TENM4: variants seen among roughly 807,000 people sequenced by gnomAD.
TENM4 encodes the protein teneurin-4.
Under a neutral mutation model 243.3 loss-of-function variants are expected in TENM4, and 82 were observed. That is an observed-to-expected ratio of 0.34 (90% CI 0.28 to 0.40). TENM4 has a LOEUF of 0.40. Among genes scored for constraint, TENM4 ranks in the 10% least tolerant of loss-of-function variants. The pLI is 1.00. For missense variants in TENM4, 3,138 were observed against 3,673.3 expected, an observed-to-expected ratio of 0.85 and a Z score of 3.77; for synonymous variants, 1,412 against 1,456.3, an observed-to-expected ratio of 0.97 and a Z score of 0.69.
intron 1 of TENM4, among the ~76,000 whole-genome samples, chr11:79,427,306 C>A (rs1344084923): frequency 6.6e-6 from 1 of 152,058 alleles, no homozygotes; most frequent in Non-Finnish European, 1.5e-5. Context: ...AATAAACAGA[C>A]AACTACATGA....
At chr11:79,213,349 C>T (rs1030687531) in intron 3 of TENM4, among the ~76,000 whole-genome samples, 2 of 152,156 alleles carry the variant, frequency 1.3e-5, no homozygotes, top group Admixed American at 6.5e-5. Context: ...CAGGGGCCAA[C>T]AAAGTAGGTC....
At chr11:78,684,709 T>TG (rs1159953484) in intron 29 of TENM4, among the ~76,000 whole-genome samples, 15 of 152,290 alleles carry the variant, frequency 9.8e-5, no homozygotes, top group African/African-American at 3.6e-4. Flanking sequence ...CTACCTAACC[T>TG]CCGAGTGCTT....
At chr11:78,815,391 A>C (rs1857585876) in intron 12 of TENM4, among the ~76,000 whole-genome samples, 1 of 152,136 alleles carries the variant, frequency 6.6e-6, no homozygotes, top group South Asian at 2.1e-4. Context: ...GTCTCAAAAA[A>C]AAAAAAAGTT....
intron 6 of TENM4, among the ~76,000 whole-genome samples, chr11:78,909,486 C>A (rs1323147332): frequency 6.6e-6 from 1 of 152,208 alleles, no homozygotes; most frequent in Non-Finnish European, 1.5e-5. Context: ...CCTCCATAGA[C>A]CCTACTGTTA....
At chr11:78,732,706 T>C (rs1335132070) in intron 20 of TENM4, 129 bp from the exon 21 acceptor site, 8 of 1,095,688 alleles carry the variant, frequency 7.3e-6, no homozygotes, top group Non-Finnish European at 8.8e-6. Flanking sequence ...AGGGAGGCTC[T>C]AATGCCTAAA....
chr11:79,107,351 G>T (rs1205369520), intron 4 of TENM4, among the ~76,000 whole-genome samples: 2 of 152,110 alleles, frequency 1.3e-5, no homozygotes, highest in African/African-American at 4.8e-5. Context: ...TCCCCTCTGT[G>T]AGTTTCTTTG....
At chr11:79,371,705 A>G (rs77356187) in intron 1 of TENM4, among the ~76,000 whole-genome samples, 1 of 152,248 alleles carries the variant, frequency 6.6e-6, no homozygotes, top group Non-Finnish European at 1.5e-5. Context: ...GTTCCTTGAG[A>G]AAATTCACAA....
intron 15 of TENM4, among the ~76,000 whole-genome samples, chr11:78,801,126 G>T (rs1386042557): frequency 6.6e-6 from 1 of 152,124 alleles, no homozygotes; most frequent in Admixed American, 6.5e-5. Flanking sequence ...GGATAGAAAG[G>T]GGGCATGAGG....
intron 2 of TENM4, among the ~76,000 whole-genome samples, chr11:79,230,281 G>T (rs975857630): frequency 1.4e-4 from 22 of 152,170 alleles, no homozygotes; most frequent in Admixed American, 1.3e-3. Flanking sequence ...TCTCCATGTG[G>T]CTGGAAGAGA....
Position 78,669,772 on chromosome 11 carries a change from G to C in TENM4, c.6573C>G (p.Arg2191=), listed in dbSNP as rs774388841. The change falls in exon 32 of 34, where the codon CGC becomes CGG. Residue 2191 remains arginine, a synonymous_variant. Coordinates refer to ENST00000278550, the MANE Select transcript of TENM4 (RefSeq NM_001098816.3). This position sits in a 1 kb window ranked among gnomAD's most constrained non-coding sequence, Gnocchi z 6.4. ...LKVGPYANTT[R]YSYEYDADGQ... is the part of the protein sequence containing the mutation. ...CGTCAGCATCATACTCATAGGAGTA[G>C]CGAGTGGTATTGGCGTAGGGTCCTA... 1 of 1,614,006 alleles carries C rather than the reference G, an allele frequency of 6.2e-7. No individual in the cohort carries two copies. Among genetic ancestry groups the C allele is most frequent in the South Asian group, 1.1e-5 (1 of 91,080 alleles).
At chr11:79,107,381 C>G (rs546027605) in intron 4 of TENM4, among the ~76,000 whole-genome samples, 1 of 152,126 alleles carries the variant, frequency 6.6e-6, no homozygotes, top group East Asian at 1.9e-4. Context: ...TGGTACCTCC[C>G]CAAGTTTCCA....
At position 78,893,393 on chromosome 11, in the gene TENM4, T is replaced by C. The variant is rs572032070; in HGVS notation, c.750-2057A>G. On this transcript the variant is annotated intron_variant, in intron 7 of 33. Coordinates refer to ENST00000278550, the MANE Select transcript of TENM4 (RefSeq NM_001098816.3). ...CACAGAAGGGGATAATTGTTCATTT[T>C]ACAAAACCCAAAGTGTAATTTGGAT... 9.8e-5 allele frequency among the ~76,000 whole-genome samples: 15 copies of C among 152,338 alleles called. 1 individual carries two copies. Among genetic ancestry groups the C allele is most frequent in the Middle Eastern group, 3.4e-3 (1 of 294 alleles).
At chr11:79,328,993 C>T (rs1397643194) in intron 1 of TENM4, among the ~76,000 whole-genome samples, 1 of 152,166 alleles carries the variant, frequency 6.6e-6, no homozygotes, top group Admixed American at 6.5e-5. Context: ...ACAAAACTGT[C>T]CTTCTAGCTG....
intron 9 of TENM4, among the ~76,000 whole-genome samples, chr11:78,866,816 A>G (rs875313): frequency 0.016 from 2,454 of 152,316 alleles, 43 homozygotes; most frequent in African/African-American, 0.055. Context: ...TAACTTTAGA[A>G]GCTGGTGGGT....
intron 3 of TENM4, among the ~76,000 whole-genome samples, chr11:79,169,926 T>C (rs1262990615): frequency 6.6e-6 from 1 of 152,226 alleles, no homozygotes; most frequent in African/African-American, 2.4e-5. Flanking sequence ...CCCTGACAGA[T>C]TAATTTGGAA....
chr11:79,332,040 C>T (rs1388217416), intron 1 of TENM4, among the ~76,000 whole-genome samples: 2 of 152,298 alleles, frequency 1.3e-5, no homozygotes, highest in East Asian at 3.9e-4. Context: ...TGCTGTTCAC[C>T]GAGCATGTAC....
At chr11:79,434,737 G>T (rs1054160327) in intron 1 of TENM4, among the ~76,000 whole-genome samples, 2 of 152,104 alleles carry the variant, frequency 1.3e-5, no homozygotes, top group Admixed American at 6.5e-5. Flanking sequence ...CCATATTCTG[G>T]TTAAAAAGAT....
intron 1 of TENM4, among the ~76,000 whole-genome samples, chr11:79,396,848 C>T (rs1373538597): frequency 1.3e-5 from 2 of 152,180 alleles, no homozygotes. Flanking sequence ...CTTTATGAGT[C>T]ACAACCAAAG....
chr11:79,204,860 T>A (rs1863817488), intron 3 of TENM4, among the ~76,000 whole-genome samples: 1 of 152,184 alleles, frequency 6.6e-6, no homozygotes, highest in African/African-American at 2.4e-5. Flanking sequence ...AGTGAAAGGA[T>A]AAATGAGCTC....
Sources: allele counts gnomAD v4.1 joint callset (sites outside exome capture counted in the v4.1 genomes callset), GRCh38; gene constraint gnomAD v4.1.1; non-coding constraint Gnocchi (gnomAD v3.1); transcripts MANE v1.5; gene names NCBI Gene and HGNC (gene_info 2026-07-23, HGNC 2026-07-21).